Variants in UBE2D2 observed in about 807,000 individuals in gnomAD.
UBE2D2 encodes the protein ubiquitin-conjugating enzyme E2 D2.
A neutral mutation model predicts 24.2 loss-of-function variants in UBE2D2; 2 were observed. The ratio of observed to expected loss-of-function variants is 0.08; its 90% confidence interval spans 0.03 to 0.26. The LOEUF is 0.26. Ranked by LOEUF, UBE2D2 falls within the 10% of genes least tolerant of loss-of-function variation. The probability of loss-of-function intolerance (pLI) is 1.00; values close to 1 mark genes in which losing one functional copy is unlikely to be tolerated. For synonymous variants in UBE2D2, 58 were observed against 56.5 expected, an observed-to-expected ratio of 1.03 and a Z score of -0.12; for missense variants, 44 against 177.6, an observed-to-expected ratio of 0.25 and a Z score of 4.28.
chr5:139,572,714 C>G (rs1753375711), intron 1 of UBE2D2, among the ~76,000 whole-genome samples: 2 of 149,962 alleles, frequency 1.3e-5, no homozygotes, highest in African/African-American at 4.9e-5. Flanking sequence ...GGCGTGATCT[C>G]AGCTCACTGC....
intron 1 of UBE2D2, among the ~76,000 whole-genome samples, chr5:139,550,545 G>A (rs886145259): frequency 2.0e-5 from 3 of 152,110 alleles, no homozygotes; most frequent in Non-Finnish European, 2.9e-5. Context: ...GTGGCAACTG[G>A]CTCAGGTTCT....
intron 1 of UBE2D2, among the ~76,000 whole-genome samples, chr5:139,595,612 A>G (rs1031740446): frequency 1.1e-4 from 17 of 152,076 alleles, no homozygotes; most frequent in African/African-American, 3.6e-4. Flanking sequence ...TCCTGACCTC[A>G]GGTGAGCCAC....
chr5:139,532,104 A>G (rs1471142314), intron 1 of UBE2D2, among the ~76,000 whole-genome samples: 1 of 151,968 alleles, frequency 6.6e-6, no homozygotes, highest in Non-Finnish European at 1.5e-5. Flanking sequence ...ATAATCTGTT[A>G]ATATCTATCG....
intron 1 of UBE2D2, among the ~76,000 whole-genome samples, chr5:139,533,904 T>C (rs1370767280): frequency 6.7e-6 from 1 of 150,234 alleles, no homozygotes; most frequent in East Asian, 2.1e-4. Context: ...TGCCTCAGCC[T>C]CCCGAGTAGC....
intron 1 of UBE2D2, among the ~76,000 whole-genome samples, chr5:139,527,273 G>A (rs1325437004): frequency 6.6e-6 from 1 of 152,054 alleles, no homozygotes. Flanking sequence ...GTTACAGCTG[G>A]TTTTAGACCC....
rs962455460 is a variant in UBE2D2 at position 139,573,718 on chromosome 5, C to T, written c.24+11903C>T. ...GGCGCAGTGGCTCAAGCTTGTAATC[C>T]CAGCACTTTGGGAGGCTGAGGCGGG... On this transcript the variant is annotated intron_variant, in intron 1 of 6. Coordinates refer to ENST00000398733, the MANE Select transcript of UBE2D2 (RefSeq NM_003339.3). Among the ~76,000 whole-genome samples, 7 of 151,994 alleles carry T rather than the reference C, an allele frequency of 4.6e-5. 1 individual carries two copies. Among genetic ancestry groups the T allele is most frequent in the Non-Finnish European group, 8.8e-5 (6 of 67,994 alleles).
At chr5:139,565,504 A>G (rs1006498143) in intron 1 of UBE2D2, among the ~76,000 whole-genome samples, 8 of 152,048 alleles carry the variant, frequency 5.3e-5, no homozygotes, top group African/African-American at 1.7e-4. Flanking sequence ...CTTGATTTTG[A>G]TGCTTTGAGT....
intron 6 of UBE2D2, among the ~76,000 whole-genome samples, chr5:139,625,266 T>TTTCCAGCCTCCCCAGTA (rs1561523398): frequency 1.2e-4 from 17 of 147,794 alleles, no homozygotes; most frequent in South Asian, 4.3e-4. Flanking sequence ...CCACTACACC[T>TTTCCAGCCTCCCCAGTA]GGCTAATTTG....
chr5:139,574,357 A>G (rs1022682710), intron 1 of UBE2D2, among the ~76,000 whole-genome samples: 1 of 151,836 alleles, frequency 6.6e-6, no homozygotes, highest in African/African-American at 2.4e-5. Flanking sequence ...AGTAATTAGT[A>G]TCTCCTGGGG....
At chr5:139,537,638 GC>G (rs1216536436) in intron 1 of UBE2D2, among the ~76,000 whole-genome samples, 1 of 151,760 alleles carries the variant, frequency 6.6e-6, no homozygotes, top group Non-Finnish European at 1.5e-5. Flanking sequence ...ATAGGCATGA[GC>G]CACCATGCTC....
intron 1 of UBE2D2, among the ~76,000 whole-genome samples, chr5:139,591,555 G>A (rs1045209063): frequency 1.3e-5 from 2 of 152,050 alleles, no homozygotes; most frequent in Non-Finnish European, 2.9e-5. Flanking sequence ...TGTTTCCATC[G>A]GTTTGTCTGT....
Position 139,565,949 on chromosome 5 carries a change from C to T in UBE2D2, c.24+4134C>T, listed in dbSNP as rs181320723. 4.9e-4 allele frequency among the ~76,000 whole-genome samples: 74 copies of T among 151,990 alleles called. 1 individual carries two copies. Among genetic ancestry groups the T allele is most frequent in the Admixed American group, 1.8e-3 (28 of 15,246 alleles). On this transcript the variant is annotated intron_variant, in intron 1 of 6. Coordinates refer to ENST00000398733, the MANE Select transcript of UBE2D2 (RefSeq NM_003339.3). ...ATGGTGTCCTACTAGTTGCAGATAA[C>T]GTTTGGCATACATAGCTTTCAAACA... is the stretch of plus-strand genomic sequence containing the variant.
At chr5:139,598,630 G>A (rs1356471932) in intron 1 of UBE2D2, among the ~76,000 whole-genome samples, 2 of 138,666 alleles carry the variant, frequency 1.4e-5, no homozygotes, top group South Asian at 2.2e-4. Context: ...GCATGATCTC[G>A]GCTCACTGCA....
intron 1 of UBE2D2, chr5:139,562,037 T>C: frequency 1.2e-6 from 1 of 826,044 alleles, no homozygotes. Flanking sequence ...TCAGCGTTCC[T>C]CCCCGGCTGC....
intron 5 of UBE2D2, among the ~76,000 whole-genome samples, chr5:139,621,081 C>CA (rs1754506273): frequency 6.6e-6 from 1 of 152,050 alleles, no homozygotes; most frequent in South Asian, 2.1e-4. Flanking sequence ...CCAACCTCTA[C>CA]AAAAAATACA....
chr5:139,561,935 T>G (rs946923666), intron 1 of UBE2D2, 120 bp downstream of exon 1: 2 of 1,347,246 alleles, frequency 1.5e-6, no homozygotes, highest in Non-Finnish European at 1.9e-6. Flanking sequence ...TGCTGGCCCC[T>G]CGGGGCGGCC....
chr5:139,620,033 C>T (rs1402925278), intron 5 of UBE2D2, among the ~76,000 whole-genome samples: 3 of 152,072 alleles, frequency 2.0e-5, no homozygotes, highest in African/African-American at 7.2e-5. Flanking sequence ...GGGGAGGTGC[C>T]ACACACTGTT....
intron 5 of UBE2D2, among the ~76,000 whole-genome samples, chr5:139,617,842 C>A (rs7735780): frequency 0.056 from 8,489 of 152,038 alleles, 790 homozygotes; most frequent in African/African-American, 0.19. Flanking sequence ...GAAGCAAAAA[C>A]AGACAGTTAA....
intron 1 of UBE2D2, among the ~76,000 whole-genome samples, chr5:139,531,456 C>T (rs952900390): frequency 1.3e-5 from 2 of 152,038 alleles, no homozygotes; most frequent in African/African-American, 4.8e-5. Flanking sequence ...AAATTGTGCA[C>T]TCGGGGAGAT....
Sources: allele counts gnomAD v4.1 joint callset (sites outside exome capture counted in the v4.1 genomes callset), GRCh38; gene constraint gnomAD v4.1.1; transcripts MANE v1.5; gene names NCBI Gene and HGNC (gene_info 2026-07-23, HGNC 2026-07-21).